Variants in TBC1D19 observed in about 807,000 individuals in gnomAD.
TBC1D19 encodes the protein TBC1 domain family, member 19.
TBC1D19 carries 60 observed loss-of-function variants against 89.0 expected under a neutral mutation model. That is an observed-to-expected ratio of 0.67 (90% CI 0.55 to 0.84). TBC1D19 has a LOEUF of 0.84. Among genes scored for constraint, TBC1D19 ranks in the 40% least tolerant of loss-of-function variants. The pLI is 0.00. For synonymous variants in TBC1D19, 189 were observed against 199.7 expected, an observed-to-expected ratio of 0.95 and a Z score of 0.45; for missense variants, 500 against 610.8, an observed-to-expected ratio of 0.82 and a Z score of 1.91.
At chr4:26,651,736 C>A (rs1202692823) in intron 7 of TBC1D19, among the ~76,000 whole-genome samples, 1 of 152,152 alleles carries the variant, frequency 6.6e-6, no homozygotes, top group Admixed American at 6.5e-5. Context: ...ATGGCCAGAA[C>A]TTTCAACGCT....
chr4:26,669,468 T>TA (rs2109100199), intron 9 of TBC1D19, among the ~76,000 whole-genome samples: 1 of 151,972 alleles, frequency 6.6e-6, no homozygotes, highest in Non-Finnish European at 1.5e-5. Context: ...TCTGTTAACA[T>TA]AATGGTCCTC....
chr4:26,653,045 T>C (rs1013444693), intron 7 of TBC1D19, among the ~76,000 whole-genome samples: 3 of 152,164 alleles, frequency 2.0e-5, no homozygotes, highest in Non-Finnish European at 4.4e-5. Context: ...TTGAATGTGT[T>C]CCAGAGATTC....
the TBC1D19 span, among the ~76,000 whole-genome samples, chr4:26,779,717 A>G: frequency 2.0e-5 from 3 of 152,240 alleles, no homozygotes; most frequent in Non-Finnish European, 2.9e-5. Flanking sequence ...ATATGGCATG[A>G]TGGAACTTGA....
chr4:26,720,939 T>G (rs1418655064), intron 15 of TBC1D19, among the ~76,000 whole-genome samples: 4 of 152,144 alleles, frequency 2.6e-5, no homozygotes, highest in Non-Finnish European at 5.9e-5. Context: ...ATGTAGCTGT[T>G]ATGAGTGTGT....
At chr4:26,677,255 G>C (rs1201334718) in intron 11 of TBC1D19, among the ~76,000 whole-genome samples, 1 of 150,674 alleles carries the variant, frequency 6.6e-6, no homozygotes, top group African/African-American at 2.4e-5. Context: ...ATCATTTCTT[G>C]CCTGGATTAA....
intron 4 of TBC1D19, among the ~76,000 whole-genome samples, chr4:26,629,667 A>T (rs559380421): frequency 6.6e-6 from 1 of 152,160 alleles, no homozygotes; most frequent in East Asian, 1.9e-4. Context: ...AAGAATCTAA[A>T]TGAATAACAG....
chr4:26,649,547 CACTAATCT>C (rs1481300348), intron 7 of TBC1D19, among the ~76,000 whole-genome samples: 5 of 152,112 alleles, frequency 3.3e-5, no homozygotes, highest in African/African-American at 1.2e-4. Context: ...CCTAGGCAAC[CACTAATCT>C]ACTTTTTGTC....
the TBC1D19 span, among the ~76,000 whole-genome samples, chr4:26,768,559 A>G: frequency 6.6e-6 from 1 of 152,198 alleles, no homozygotes; most frequent in Non-Finnish European, 1.5e-5. Flanking sequence ...ATAAGCAAGA[A>G]CATTACTTTT....
chr4:26,809,895 A>G, the TBC1D19 span, among the ~76,000 whole-genome samples: 18 of 152,130 alleles, frequency 1.2e-4, no homozygotes, highest in Middle Eastern at 3.2e-3. Context: ...GTTTTTCCAC[A>G]TTATTCCATC....
At chr4:26,687,058 G>A (rs1030708302) in intron 12 of TBC1D19, among the ~76,000 whole-genome samples, 4 of 151,804 alleles carry the variant, frequency 2.6e-5, no homozygotes, top group Admixed American at 2.6e-4. Context: ...TTTGATTTTT[G>A]TATCCTTCAT....
At chr4:26,768,526 A>C in the TBC1D19 span, among the ~76,000 whole-genome samples, 1 of 152,242 alleles carries the variant, frequency 6.6e-6, no homozygotes, top group Non-Finnish European at 1.5e-5. Context: ...AAGGGACTGT[A>C]AATGACACAG....
chr4:26,758,835 C>G (rs1023971769), downstream of TBC1D19, among the ~76,000 whole-genome samples: 1 of 152,084 alleles, frequency 6.6e-6, no homozygotes, highest in African/African-American at 2.4e-5. Context: ...TAAGGGGTAT[C>G]ATTATTTGGT....
intron 13 of TBC1D19, among the ~76,000 whole-genome samples, chr4:26,716,936 A>G (rs13117759): frequency 0.96 from 145,925 of 152,088 alleles, 70,213 homozygotes; most frequent in Non-Finnish European, 1. Flanking sequence ...ATGAGCTACC[A>G]TGCCCAGCCA....
In TBC1D19 at chr4:26,659,708, G is replaced by A. The variant is rs1745100049; in HGVS notation, c.591+1G>A. 1.9e-6 allele frequency: 3 copies of A among 1,554,768 alleles called. No individual in the cohort carries two copies. The highest frequency in any genetic ancestry group is 1.4e-5 in the African/African-American group (1 of 74,032). The stretch of plus-strand genomic sequence containing the variant: ...GAAAGTAAAAGACATCCCTGAATTG[G>A]TAAGTATAGAAACTTAAAAATAAAC... On this transcript the variant is annotated splice_donor_variant, in intron 8 of 20. Transcript: ENST00000264866. LOFTEE classifies it high-confidence loss of function.
At chr4:26,730,055 A>G (rs1717559467) in intron 15 of TBC1D19, among the ~76,000 whole-genome samples, 1 of 152,180 alleles carries the variant, frequency 6.6e-6, no homozygotes, top group Non-Finnish European at 1.5e-5. Flanking sequence ...GTTTGGAGGA[A>G]AGGATACCAA....
chr4:26,604,623 CACTTT>C (rs1740859042), intron 1 of TBC1D19, among the ~76,000 whole-genome samples: 1 of 151,414 alleles, frequency 6.6e-6, no homozygotes, highest in East Asian at 2.0e-4. Flanking sequence ...GTAATCCCAG[CACTTT>C]ACTTTGGGAG....
intron 11 of TBC1D19, among the ~76,000 whole-genome samples, chr4:26,674,840 ATAAT>A (rs1712649452): frequency 6.6e-6 from 1 of 152,038 alleles, no homozygotes; most frequent in African/African-American, 2.4e-5. Flanking sequence ...TAAATTAATT[ATAAT>A]TAATAATGAT....
At chr4:26,657,654 T>A (rs561936226) in intron 7 of TBC1D19, among the ~76,000 whole-genome samples, 187 of 152,328 alleles carry the variant, frequency 1.2e-3, no homozygotes, top group African/African-American at 4.4e-3. Context: ...CCTTGAGGAA[T>A]CGCCACACTG....
At chr4:26,858,502 T>C in the TBC1D19 span, 5 of 152,324 alleles carry the variant, frequency 3.3e-5, no homozygotes, top group Non-Finnish European at 7.3e-5. Flanking sequence ...AGGTAAGCGA[T>C]TGCCTCATTT....
Sources: allele counts gnomAD v4.1 joint callset (sites outside exome capture counted in the v4.1 genomes callset), GRCh38; gene constraint gnomAD v4.1.1; transcripts MANE v1.5; gene names NCBI Gene and HGNC (gene_info 2026-07-23, HGNC 2026-07-21).